RTKN2: variants seen among roughly 807,000 people sequenced by gnomAD.
RTKN2 encodes rhotekin-2.
RTKN2 carries 69 observed loss-of-function variants against 71.5 expected under a neutral mutation model. That is an observed-to-expected ratio of 0.96 (90% CI 0.79 to 1.18). The LOEUF is 1.18. Among genes scored for constraint, RTKN2 ranks in the 50% most tolerant of loss-of-function variants. RTKN2 has a pLI of 0.00. For missense variants in RTKN2, 724 were observed against 719.7 expected, an observed-to-expected ratio of 1.01 and a Z score of -0.07; for synonymous variants, 236 against 236.5, an observed-to-expected ratio of 1.00 and a Z score of 0.02.
chr10:62,204,837 A>G lies in RTKN2; in HGVS notation c.1186+20T>C. The G allele has an allele frequency of 6.6e-7, 1 of 1,526,036 alleles. No homozygotes were observed. Among genetic ancestry groups the G allele is most frequent in the Non-Finnish European group, 8.8e-7 (1 of 1,139,132 alleles). 94.5% of individuals were successfully genotyped at this position (1,526,036 alleles called of 1,614,324 possible). On this transcript the variant is annotated intron_variant, in intron 10 of 11. Coordinates refer to ENST00000373789, the MANE Select transcript of RTKN2 (RefSeq NM_145307.4). ...AGGCTACATAAATACACAACTAAAA[A>G]AATCCAAATATCTATTTACTAAGAT...
At position 62,193,779 on chromosome 10, in the gene RTKN2, T is replaced by C; in HGVS notation, c.*4129A>G. 4 of 984,624 alleles carry C rather than the reference T, an allele frequency of 4.1e-6. No homozygotes were observed. Among genetic ancestry groups the C allele is most frequent in the African/African-American group, 1.7e-5 (1 of 57,336 alleles). The allele number at this position is 984,624 out of a possible 1,614,324, so 61.0% of individuals were successfully genotyped here. ...CTGGATCACTAAACTAAAAGTAAGG[T>C]TATGTCAATGGATTTTTAAAAGAGT... is the stretch of plus-strand genomic sequence containing the variant. On this transcript the variant is annotated 3_prime_UTR_variant, in exon 12 of 12. Coordinates refer to ENST00000373789, the MANE Select transcript of RTKN2 (RefSeq NM_145307.4).
chr10:62,199,418 T>C (rs1036754484), intron 11 of RTKN2, among the ~76,000 whole-genome samples: 7 of 152,206 alleles, frequency 4.6e-5, no homozygotes, highest in Non-Finnish European at 1.0e-4. Flanking sequence ...AAAAAATTAC[T>C]GAACATGATT....
In RTKN2 at chr10:62,199,881, G is replaced by T; in HGVS notation, c.1187-20C>A. ...ATTGGCCTAAGACAGACAGAAAAAA[G>T]GTAGACTAGTTTAAAACATAAATGT... On this transcript the variant is annotated intron_variant, in intron 10 of 11. Transcript: ENST00000373789. 7.0e-7 allele frequency: 1 copy of T among 1,437,176 alleles called. No homozygotes were observed. 89.0% of individuals were successfully genotyped at this position (1,437,176 alleles called of 1,614,324 possible).
At chr10:62,218,415 A>G in intron 7 of RTKN2, 114 bp from the exon 8 acceptor site, 1 of 631,812 alleles carries the variant, frequency 1.6e-6, no homozygotes, top group Admixed American at 3.0e-5. Flanking sequence ...TGTACAGAAC[A>G]TATTTTAGAA....
chr10:62,197,391 G>A lies in RTKN2; in HGVS notation c.*517C>T. 1 of 985,940 alleles carries A rather than the reference G, an allele frequency of 1.0e-6. No homozygotes were observed. The allele number at this position is 985,940 out of a possible 1,614,324, so 61.1% of individuals were successfully genotyped here. A position where few individuals can be genotyped will look rare whatever the true frequency, so the allele number is the denominator to read the frequency against. Reference sequence around the variant, plus strand: ...TAAAAGGTCAGGCCTATAAACTAGTGAGTTAAACAATAGATGAGAGCCAGT... The same window carrying A: ...TAAAAGGTCAGGCCTATAAACTAGTAAGTTAAACAATAGATGAGAGCCAGT... On this transcript the variant is annotated 3_prime_UTR_variant, in exon 12 of 12. Coordinates refer to ENST00000373789, the MANE Select transcript of RTKN2 (RefSeq NM_145307.4).
rs1333315879 is a variant in RTKN2, at chr10:62,231,731, T to C, written c.686+4335A>G. Reference sequence around the variant, plus strand: ...AAATGGTAGTCTAAAAAATGCACTCTTGTCAGGAAGAACGGCTATATTTGG... The same window carrying C: ...AAATGGTAGTCTAAAAAATGCACTCCTGTCAGGAAGAACGGCTATATTTGG... On this transcript the variant is annotated intron_variant, in intron 6 of 11. Coordinates refer to ENST00000373789, the MANE Select transcript of RTKN2 (RefSeq NM_145307.4). 5.3e-5 allele frequency among the ~76,000 whole-genome samples: 8 copies of C among 152,290 alleles called. No individual in the cohort carries two copies. The East Asian group carries it at 1.5e-3, about 29-fold the overall frequency.
chr10:62,219,691 G>A (rs1434927390), intron 7 of RTKN2, among the ~76,000 whole-genome samples: 1 of 152,058 alleles, frequency 6.6e-6, no homozygotes, highest in Non-Finnish European at 1.5e-5. Context: ...GTGTCTGCCT[G>A]TAGTCCCAGC....
At chr10:62,228,888 G>A (rs1371388904) in intron 6 of RTKN2, among the ~76,000 whole-genome samples, 1 of 152,198 alleles carries the variant, frequency 6.6e-6, no homozygotes, top group Non-Finnish European at 1.5e-5. Context: ...AAAGTTATCA[G>A]CTATGAATGA....
At chr10:62,251,873 A>G (rs1186285067) in intron 2 of RTKN2, among the ~76,000 whole-genome samples, 1 of 152,046 alleles carries the variant, frequency 6.6e-6, no homozygotes, top group African/African-American at 2.4e-5. Flanking sequence ...AAGGTGTCCA[A>G]TGATAAATAT....
intron 3 of RTKN2, among the ~76,000 whole-genome samples, chr10:62,245,791 T>C (rs773773890): frequency 2.0e-5 from 3 of 147,334 alleles, no homozygotes; most frequent in African/African-American, 4.9e-5. Context: ...AACTGTAGAG[T>C]ATGTAACATA....
At chr10:62,193,014 T>C (rs1480565291), downstream of RTKN2, among the ~76,000 whole-genome samples, 3 of 152,172 alleles carry the variant, frequency 2.0e-5, no homozygotes, top group African/African-American at 7.2e-5. Flanking sequence ...TTTTAATATT[T>C]GAGGTAAGTG....
At chr10:62,260,299 CT>C (rs1224769107) in intron 2 of RTKN2, among the ~76,000 whole-genome samples, 2 of 152,198 alleles carry the variant, frequency 1.3e-5, no homozygotes, top group African/African-American at 2.4e-5. Context: ...TTCAGTATAT[CT>C]GCATAATTTA....
chr10:62,228,167 T>G (rs1307371480), intron 6 of RTKN2, among the ~76,000 whole-genome samples: 1 of 152,094 alleles, frequency 6.6e-6, no homozygotes, highest in Non-Finnish European at 1.5e-5. Flanking sequence ...TACATGAAAT[T>G]TAATGAAAGT....
Position 62,226,325 on chromosome 10 carries a change from T to C in RTKN2, c.687-2993A>G, listed in dbSNP as rs554562661. On this transcript the variant is annotated intron_variant, in intron 6 of 11. Coordinates refer to ENST00000373789, the MANE Select transcript of RTKN2 (RefSeq NM_145307.4). ...AAAGTCTCTATTACAAAAATACATA[T>C]GCATACACTTAGTAAGTATGCAATG... 2.6e-5 allele frequency among the ~76,000 whole-genome samples: 4 copies of C among 152,338 alleles called. No individual in the cohort carries two copies. The South Asian group carries it at 8.3e-4, about 32-fold the overall frequency.
intron 10 of RTKN2, among the ~76,000 whole-genome samples, chr10:62,204,194 T>G (rs974482203): frequency 1.3e-5 from 2 of 152,234 alleles, no homozygotes; most frequent in African/African-American, 4.8e-5. Flanking sequence ...AATGATAATA[T>G]GCTGTTTGAC....
In RTKN2 at chr10:62,223,331, C is replaced by G. The variant is rs202199799; in HGVS notation, c.688G>C (p.Gly230Arg). ...TGAGCTAGCAAATTATACTTTACACCACTAATAGTAAGAAAGAAGACATGT... is the reference window on the plus strand; with the variant it reads ...TGAGCTAGCAAATTATACTTTACACGACTAATAGTAAGAAAGAAGACATGT... ...MCLLLSSAVF[G>R]VKYNLLAHTT... Residue 230 changes from glycine to arginine, a missense_variant and splice_region_variant, in exon 7 of 12, where the codon GGT becomes CGT. Gly to Arg is a moderately radical substitution (Grantham distance 125). Coordinates refer to ENST00000373789, the MANE Select transcript of RTKN2 (RefSeq NM_145307.4). 2 of 1,566,966 alleles carry G rather than the reference C, an allele frequency of 1.3e-6. No homozygotes were observed. Among genetic ancestry groups the G allele is most frequent in the East Asian group, 4.5e-5 (2 of 44,542 alleles).
rs146351743 is a variant in RTKN2, at chr10:62,267,936, T to C, written c.60+615A>G. Among the ~76,000 whole-genome samples, 183 of 152,346 alleles carry C rather than the reference T, an allele frequency of 1.2e-3. 1 individual carries two copies. The highest frequency in any genetic ancestry group is 4.2e-3 in the African/African-American group (173 of 41,580). On this transcript the variant is annotated intron_variant, in intron 1 of 11. Transcript: ENST00000373789. ...TAGTAAAAAGTAAAATAAAAAGGTT[T>C]CTAACGCATTTTACATGGCTCAAAA...
At chr10:62,241,256 T>A in intron 3 of RTKN2, 61 bp from the exon 4 acceptor site, 1 of 961,966 alleles carries the variant, frequency 1.0e-6, no homozygotes, top group Non-Finnish European at 1.6e-6. Flanking sequence ...TTCTTTACAG[T>A]GACCTGAACC....
chr10:62,248,079 CA>C (rs1358647221), intron 2 of RTKN2, among the ~76,000 whole-genome samples: 1 of 152,070 alleles, frequency 6.6e-6, no homozygotes, highest in Non-Finnish European at 1.5e-5. Flanking sequence ...TTCCCCCTTC[CA>C]AACTACTCAA....
Sources: gnomAD v4.1 joint callset for allele counts (sites outside exome capture counted in the v4.1 genomes callset) on GRCh38, gnomAD v4.1.1 for gene constraint, MANE v1.5 for transcripts, NCBI Gene and HGNC (gene_info 2026-07-23, HGNC 2026-07-21) for gene names.